The following AGPS variants were observed in gnomAD, a reference collection of about 807,000 sequenced individuals.
AGPS encodes alkylglycerone phosphate synthase.
In AGPS, 26 loss-of-function variants were observed where a neutral mutation model predicts 90.7. That is an observed-to-expected ratio of 0.29 (90% confidence interval 0.21 to 0.40). The LOEUF is 0.40. Ranked by LOEUF, AGPS falls within the 10% of genes least tolerant of loss-of-function variation. The pLI, the probability that AGPS is intolerant of heterozygous loss-of-function variation, is 1.00. For missense variants in AGPS, 540 were observed against 816.1 expected, an observed-to-expected ratio of 0.66 and a Z score of 4.12; for synonymous variants, 294 against 285.3, an observed-to-expected ratio of 1.03 and a Z score of -0.31.
At chr2:177,408,141 A>G (rs987507415) in intron 1 of AGPS, among the ~76,000 whole-genome samples, 4 of 152,196 alleles carry the variant, frequency 2.6e-5, no homozygotes, top group African/African-American at 9.7e-5. Context: ...AAGAACCCAA[A>G]AAGTGTAGAA....
intron 2 of AGPS, among the ~76,000 whole-genome samples, chr2:177,426,007 A>T (rs546808865): frequency 6.6e-6 from 1 of 152,314 alleles, no homozygotes; most frequent in South Asian, 2.1e-4. Flanking sequence ...CACAATATTG[A>T]TTCTTCCTAT....
intron 17 of AGPS, among the ~76,000 whole-genome samples, chr2:177,516,041 G>A (rs958377173): frequency 7.9e-5 from 12 of 152,022 alleles, no homozygotes; most frequent in African/African-American, 2.7e-4. Flanking sequence ...TGGGTGATAG[G>A]ATCCATACTC....
chr2:177,509,214 G>T (rs1253157433), intron 16 of AGPS, among the ~76,000 whole-genome samples: 1 of 152,086 alleles, frequency 6.6e-6, no homozygotes, highest in Non-Finnish European at 1.5e-5. Flanking sequence ...CCCAGTTTAT[G>T]TTATACTATC....
intron 14 of AGPS, among the ~76,000 whole-genome samples, chr2:177,502,973 C>T (rs1688604193): frequency 6.6e-6 from 1 of 152,078 alleles, no homozygotes; most frequent in Admixed American, 6.6e-5. Context: ...TAGTTTAGCT[C>T]ATGTATTTTA....
intron 19 of AGPS, among the ~76,000 whole-genome samples, chr2:177,535,157 T>C (rs1009800191): frequency 2.6e-5 from 4 of 152,170 alleles, no homozygotes; most frequent in African/African-American, 9.7e-5. Context: ...CCACATCAGA[T>C]GATTCAGGTC....
At chr2:177,402,302 G>A (rs1324588106) in intron 1 of AGPS, among the ~76,000 whole-genome samples, 2 of 152,164 alleles carry the variant, frequency 1.3e-5, no homozygotes, top group Admixed American at 6.5e-5. Flanking sequence ...ATCCTAAGAG[G>A]AAATGCACAT....
intron 16 of AGPS, 36 bp downstream of exon 16, chr2:177,508,067 ATG>A: frequency 9.7e-6 from 14 of 1,441,548 alleles, no homozygotes; most frequent in Non-Finnish European, 1.4e-5. Context: ...TTATTCAAAT[ATG>A]CGATATGAAT....
chr2:177,405,933 C>T (rs1685456409), intron 1 of AGPS, among the ~76,000 whole-genome samples: 1 of 152,030 alleles, frequency 6.6e-6, no homozygotes, highest in African/African-American at 2.4e-5. Context: ...CTGGTTTCTC[C>T]AACTCAGCAT....
In AGPS at chr2:177,441,150, G is replaced by A. The variant is rs1686590737; in HGVS notation, c.709+114G>A. 3.2e-6 allele frequency: 3 copies of A among 948,480 alleles called. No individual in the cohort carries two copies. In the African/African-American group the frequency reaches 5.0e-5, roughly 16 times the overall value. 58.8% of individuals were successfully genotyped at this position (948,480 alleles called of 1,614,324 possible). A position where few individuals can be genotyped will look rare whatever the true frequency, so the allele number is the denominator to read the frequency against. On this transcript the variant is annotated intron_variant, in intron 6 of 19. Coordinates refer to ENST00000264167, the MANE Select transcript of AGPS (RefSeq NM_003659.4). ...ACAAACATTATTGTAATTGTGATGT[G>A]GTTATTCTCAAAAATTGGTCAATGA...
chr2:177,403,271 A>G (rs191844834), intron 1 of AGPS, among the ~76,000 whole-genome samples: 23 of 152,274 alleles, frequency 1.5e-4, no homozygotes, highest in Admixed American at 1.4e-3. Flanking sequence ...TGGAAGGGCA[A>G]TTTTATATCA....
chr2:177,450,296 C>T (rs1316905095), intron 8 of AGPS, among the ~76,000 whole-genome samples: 2 of 151,918 alleles, frequency 1.3e-5, no homozygotes, highest in Non-Finnish European at 2.9e-5. Flanking sequence ...TTTTGAAGAC[C>T]AGCTGTGTTT....
intron 9 of AGPS, among the ~76,000 whole-genome samples, chr2:177,466,025 T>C (rs1264351316): frequency 6.6e-6 from 1 of 152,160 alleles, no homozygotes; most frequent in Non-Finnish European, 1.5e-5. Context: ...ACAAAACAGC[T>C]CAGAGGAGAC....
chr2:177,505,418 A>G, intron 14 of AGPS, 88 bp from the exon 15 acceptor site: 1 of 1,197,286 alleles, frequency 8.4e-7, no homozygotes, highest in Non-Finnish European at 1.2e-6. Flanking sequence ...TTGTTATTCA[A>G]ACTTATTCTC....
At chr2:177,466,099 A>G (rs940643095) in intron 9 of AGPS, among the ~76,000 whole-genome samples, 1 of 152,142 alleles carries the variant, frequency 6.6e-6, no homozygotes, top group African/African-American at 2.4e-5. Flanking sequence ...CTCAGCAGAG[A>G]GCCCACAGAG....
At chr2:177,440,359 C>T (rs1686564634) in intron 5 of AGPS, among the ~76,000 whole-genome samples, 1 of 152,068 alleles carries the variant, frequency 6.6e-6, no homozygotes, top group Non-Finnish European at 1.5e-5. Context: ...AGATGTAATG[C>T]ACTGACAAAG....
intron 10 of AGPS, among the ~76,000 whole-genome samples, chr2:177,473,517 C>T (rs1313940503): frequency 6.6e-6 from 1 of 151,958 alleles, no homozygotes; most frequent in Admixed American, 6.6e-5. Flanking sequence ...TCTCTGATGT[C>T]ACATTGCCAT....
intron 1 of AGPS, among the ~76,000 whole-genome samples, chr2:177,404,652 A>AT (rs1275255514): frequency 6.6e-6 from 1 of 152,144 alleles, no homozygotes; most frequent in Non-Finnish European, 1.5e-5. Flanking sequence ...TTTAAAGTAA[A>AT]TTGGTAGTTT....
rs1454116093 is a variant in AGPS, at chr2:177,505,530, T to C, written c.1500T>C (p.Asn500=). Residue 500 remains asparagine (N), a synonymous_variant, in exon 15 of 20, where the codon AAT becomes AAC. Coordinates refer to ENST00000264167, the MANE Select transcript of AGPS (RefSeq NM_003659.4). ...KFGGLAAGED[N]GQRGYLLTYV... is the part of the protein sequence containing the mutation. ...GTGGGTTGGCAGCTGGAGAAGATAA[T>C]GGACAGAGAGGTTATTTGCTGACCT... The C allele has an allele frequency of 1.2e-6, 2 of 1,612,632 alleles. No homozygotes were observed. The highest frequency in any genetic ancestry group is 2.2e-5 in the South Asian group (2 of 91,018).
At chr2:177,509,394 C>G (rs565483549) in intron 16 of AGPS, among the ~76,000 whole-genome samples, 45 of 152,258 alleles carry the variant, frequency 3.0e-4, no homozygotes, top group African/African-American at 1.0e-3. Flanking sequence ...CGGCTGGGCG[C>G]GGTGGCTCAC....
Sources: gnomAD v4.1 joint callset for allele counts (sites outside exome capture counted in the v4.1 genomes callset) on GRCh38, gnomAD v4.1.1 for gene constraint, MANE v1.5 for transcripts, NCBI Gene and HGNC (gene_info 2026-07-23, HGNC 2026-07-21) for gene names.